Variants in TRMT5 observed in about 807,000 individuals in gnomAD.
TRMT5 encodes the protein tRNA (guanine(37)-N(1))-methyltransferase.
In TRMT5, 31 loss-of-function variants were observed where a neutral mutation model predicts 42.2. The ratio of observed to expected loss-of-function variants is 0.73; its 90% CI spans 0.55 to 0.99. TRMT5 has a LOEUF of 0.99. TRMT5 is among the 50% of genes least tolerant of loss of function. The pLI is 0.00. For missense variants in TRMT5, 568 were observed against 595.0 expected (o/e 0.95, Z 0.47); for synonymous variants, 198 against 209.6 (o/e 0.94, Z 0.48).
chr14:60,976,009 C>T lies in TRMT5; in HGVS notation c.910G>A (p.Asp304Asn). The T allele has an allele frequency of 3.7e-6, 6 of 1,614,192 alleles. No individual in the cohort carries two copies. Among genetic ancestry groups the T allele is most frequent in the Non-Finnish European group, 5.1e-6 (6 of 1,180,028 alleles). The change falls in exon 4 of 5, where the codon GAT becomes AAT. Residue 304 changes from aspartate to asparagine, a missense_variant. Transcript: ENST00000261249. ...ELLKPGDVLF[D>N]VFAGVGPFAI... Reference sequence around the variant, plus strand: ...AAGGGCCCAACCCCAGCAAAAACATCAAATAGGACATCCCCAGGTTTGAGA... The same window carrying T: ...AAGGGCCCAACCCCAGCAAAAACATTAAATAGGACATCCCCAGGTTTGAGA...
chr14:60,976,377 C>T (rs1242545786), intron 3 of TRMT5, among the ~76,000 whole-genome samples: 1 of 152,208 alleles, frequency 6.6e-6, no homozygotes, highest in Non-Finnish European at 1.5e-5. Flanking sequence ...CCAAATGGCT[C>T]TCCATCTCAA....
chr14:60,972,472 C>T lies in TRMT5; in HGVS notation c.*2637G>A, dbSNP rs1385124858. ...TCAGTCTTTCTCTTGGGCATGGCGG[C>T]GGCGGCGGCGGCGGGATGTGGGCAC... is the stretch of plus-strand genomic sequence containing the variant. On this transcript the variant is annotated 3_prime_UTR_variant, in exon 5 of 5. Transcript: ENST00000261249. The T allele has an allele frequency of 1.2e-5, 6 of 484,334 alleles. No individual in the cohort carries two copies. Among genetic ancestry groups the T allele is most frequent in the South Asian group, 6.0e-5 (4 of 66,498 alleles). 30.0% of individuals were successfully genotyped at this position (484,334 alleles called of 1,614,324 possible).
upstream of TRMT5, chr14:60,981,218 T>G (rs1594932728): frequency 3.2e-6 from 5 of 1,553,508 alleles, no homozygotes; most frequent in East Asian, 9.5e-5. Context: ...GACCGACGAC[T>G]GGAGCGCAGG....
chr14:60,979,948 A>G (rs2036920672), intron 1 of TRMT5, 62 bp from the exon 2 acceptor site: 14 of 1,475,070 alleles, frequency 9.5e-6, no homozygotes, highest in Non-Finnish European at 1.2e-5. Context: ...TCTAAATTCT[A>G]CTATCTCAAA....
At position 60,976,080 on chromosome 14, in the gene TRMT5, TAG is replaced by T; in HGVS notation, c.837_838del (p.Tyr280LeufsTer24). On this transcript the variant is annotated frameshift_variant, in exon 4 of 5. Coordinates refer to ENST00000261249, the MANE Select transcript of TRMT5 (RefSeq NM_020810.3). LOFTEE classifies it high-confidence loss of function. Reference sequence around the variant, plus strand: ...TTCTGTAGACAGACGAGGATTCCAATAGACTTTTGAAAAATCAAATTCATAGG... The same window carrying T: ...TTCTGTAGACAGACGAGGATTCCAATACTTTTGAAAAATCAAATTCATAGG... 6.2e-7 allele frequency: 1 copy of T among 1,611,806 alleles called. No individual in the cohort carries two copies. Among genetic ancestry groups the T allele is most frequent in the Non-Finnish European group, 8.5e-7 (1 of 1,179,074 alleles).
chr14:60,980,880 CAGGCAGCA>C, intron 1 of TRMT5, 75 bp downstream of exon 1: 1 of 1,602,364 alleles, frequency 6.2e-7, no homozygotes, highest in South Asian at 1.1e-5. Context: ...TTTCTGTGCC[CAGGCAGCA>C]CATGGCAGAG....
chr14:60,976,571 G>GCAGCAAA (rs1286434915), intron 3 of TRMT5, among the ~76,000 whole-genome samples: 1 of 152,186 alleles, frequency 6.6e-6, no homozygotes, highest in Non-Finnish European at 1.5e-5. Flanking sequence ...GTACTTCTAT[G>GCAGCAAA]CAGCAAACAA....
chr14:60,980,037 C>T lies in TRMT5; in HGVS notation c.12-151G>A, dbSNP rs2036923977. The T allele has an allele frequency of 3.3e-6, 3 of 903,946 alleles. 1 individual carries two copies. Among genetic ancestry groups the T allele is most frequent in the South Asian group, 4.1e-5 (2 of 49,270 alleles). 56.0% of individuals were successfully genotyped at this position (903,946 alleles called of 1,614,324 possible). A position where few individuals can be genotyped will look rare whatever the true frequency, so the allele number is the denominator to read the frequency against. ...TATCTTTTCCAGACTAGGATGACTT[C>T]TTCAGGAAGTCGTATTAGTGGTAGA... On this transcript the variant is annotated intron_variant, in intron 1 of 4. Transcript: ENST00000261249.
upstream of TRMT5, chr14:60,981,655 G>A (rs749563236): frequency 2.0e-5 from 28 of 1,432,010 alleles, no homozygotes; most frequent in Admixed American, 2.1e-4. Context: ...AACATGATGG[G>A]ATGAGCGGCC....
At position 60,973,555 on chromosome 14, in the gene TRMT5, G is replaced by C. The variant is rs959603218; in HGVS notation, c.*1554C>G. The C allele has an allele frequency of 6.6e-6, 1 of 152,250 alleles. No individual in the cohort carries two copies. The highest frequency in any genetic ancestry group is 2.4e-5 in the African/African-American group (1 of 41,442). 9.4% of individuals were successfully genotyped at this position (152,250 alleles called of 1,614,324 possible). A position where few individuals can be genotyped will look rare whatever the true frequency, so the allele number is the denominator to read the frequency against. Reference sequence around the variant, plus strand: ...TGTAACCTTCACACATTGGGAAGCCGAGATGGGAAGATCTCAAGCCTAGGA... The same window carrying C: ...TGTAACCTTCACACATTGGGAAGCCCAGATGGGAAGATCTCAAGCCTAGGA... On this transcript the variant is annotated 3_prime_UTR_variant, in exon 5 of 5. Coordinates refer to ENST00000261249, the MANE Select transcript of TRMT5 (RefSeq NM_020810.3).
In TRMT5 at chr14:60,975,187, A is replaced by C. The variant is rs774871636; in HGVS notation, c.1452T>G (p.His484Gln). The C allele has an allele frequency of 6.2e-7, 1 of 1,603,564 alleles. No individual in the cohort carries two copies. The change falls in exon 5 of 5, where the codon CAT (histidine) becomes CAG (glutamine). Residue 484 changes from histidine (H) to glutamine (Q), a missense_variant. Coordinates refer to ENST00000261249, the MANE Select transcript of TRMT5 (RefSeq NM_020810.3). ...YKNQTRNPEN[H>Q]EDPPLKRQRT... Reference sequence around the variant, plus strand: ...TCTGCCTTTTAAGAGGTGGATCTTCATGATTCTCTGTAATAAATCCAGAAA... The same window carrying C: ...TCTGCCTTTTAAGAGGTGGATCTTCCTGATTCTCTGTAATAAATCCAGAAA...
chr14:60,974,932 G>A lies in TRMT5; in HGVS notation c.*177C>T, dbSNP rs915779587. 8 of 388,370 alleles carry A rather than the reference G, an allele frequency of 2.1e-5. No homozygotes were observed. The highest frequency in any genetic ancestry group is 1.4e-5 in the Non-Finnish European group (3 of 213,208). 24.1% of individuals were successfully genotyped at this position (388,370 alleles called of 1,614,324 possible). On this transcript the variant is annotated 3_prime_UTR_variant, in exon 5 of 5. Transcript: ENST00000261249. Reference sequence around the variant, plus strand: ...TTGTATGTTATAATTTAGATAACAGGGAATGTATTTGGTAGCCTTAGTTCA... The same window carrying A: ...TTGTATGTTATAATTTAGATAACAGAGAATGTATTTGGTAGCCTTAGTTCA...
In TRMT5 at chr14:60,979,701, T is replaced by G. The variant is rs377173260; in HGVS notation, c.197A>C (p.His66Pro). The change falls in exon 2 of 5, where the codon CAT (histidine) becomes CCT (proline). Residue 66 changes from histidine to proline, a missense_variant. Physicochemically the swap from His to Pro is moderately conservative, Grantham distance 77. Transcript: ENST00000261249. ...TGAAAACAATTCAGTCTCTCTCTCA[T>G]GTGTTTCTGTTTCTGGCATGGTTGA... The part of the protein sequence containing the change: ...RFSTMPETET[H>P]ERETELFSPP... 19 of 1,614,170 alleles carry G rather than the reference T, an allele frequency of 1.2e-5. No homozygotes were observed. The highest frequency in any genetic ancestry group is 1.6e-5 in the Non-Finnish European group (19 of 1,180,028).
Position 60,981,012 on chromosome 14 carries a change from C to T in TRMT5, c.-39G>A. On this transcript the variant is annotated 5_prime_UTR_variant, in exon 1 of 5. Transcript: ENST00000261249. The stretch of plus-strand genomic sequence containing the variant: ...GTCGCTCTGCAGCTGGATCCGCGAG[C>T]CGACCCCTCACCTCCCGCTCCGGTA... 1 of 1,611,328 alleles carries T rather than the reference C, an allele frequency of 6.2e-7. No homozygotes were observed. The highest frequency in any genetic ancestry group is 8.5e-7 in the Non-Finnish European group (1 of 1,180,026).
In TRMT5 at chr14:60,980,981, C is replaced by T; in HGVS notation, c.-8G>A. On this transcript the variant is annotated 5_prime_UTR_variant, in exon 1 of 5. Transcript: ENST00000261249. ...ACCTCACCAAAGCACCATTCCAATT[C>T]CCCACGTCGCTCTGCAGCTGGATCC... 2 of 1,611,724 alleles carry T rather than the reference C, an allele frequency of 1.2e-6. No individual in the cohort carries two copies. Among genetic ancestry groups the T allele is most frequent in the Non-Finnish European group, 1.7e-6 (2 of 1,180,014 alleles).
chr14:60,979,358 A>T lies in TRMT5; in HGVS notation c.540T>A (p.Phe180Leu). Residue 180 changes from phenylalanine (F) to leucine (L), a missense_variant, in exon 2 of 5, where the codon TTT becomes TTA. Physicochemically the swap from Phe to Leu is conservative, Grantham distance 22 (BLOSUM62 0). Transcript: ENST00000261249. ...KYNLELTYEH[F>L]KSEEILRAVL... is the part of the protein sequence containing the mutation. ...CAGCTCTCAAGATTTCTTCTGACTT[A>T]AAGTGTTCATATGTTAGTTCCAAAT... 6.2e-7 allele frequency: 1 copy of T among 1,614,162 alleles called. No individual in the cohort carries two copies. Among genetic ancestry groups the T allele is most frequent in the Non-Finnish European group, 8.5e-7 (1 of 1,180,002 alleles).
At chr14:60,976,649 G>A (rs775095690) in intron 3 of TRMT5, among the ~76,000 whole-genome samples, 2 of 152,080 alleles carry the variant, frequency 1.3e-5, no homozygotes, top group Non-Finnish European at 2.9e-5. Context: ...TCAATTTTGA[G>A]GTATTTTACT....
rs569059350 is a variant in TRMT5, at chr14:60,975,120, A to G, written c.1519T>C (p.Ser507Pro). ...GAAAACATTTCCAATTAAGTGTTTG[A>G]AACAATTTGTGTTTTTTCGTCTGAA... Reference protein sequence around the residue: ...AFSDEKTQIVSNT With the variant: ...AFSDEKTQIVPNT The change falls in exon 5 of 5, where the codon TCA (serine) becomes CCA (proline). Residue 507 changes from serine (S) to proline (P), a missense_variant. By Grantham distance (74) the Ser-to-Pro change is moderately conservative. Coordinates refer to ENST00000261249, the MANE Select transcript of TRMT5 (RefSeq NM_020810.3). The G allele has an allele frequency of 1.9e-6, 3 of 1,609,432 alleles. No homozygotes were observed. The East Asian group carries it at 6.7e-5, about 36-fold the overall frequency.
Position 60,976,112 on chromosome 14 carries a change from G to A in TRMT5, c.807C>T (p.Asn269=). ...TTGAAAAATCAAATTCATAGGTGTA[G>A]TTGTTTTCTCGAACCTGAAAAAAGG... ...QNMMTKVREN[N]YTYEFDFSKV... The change falls in exon 4 of 5, where the codon AAC becomes AAT. Residue 269 remains asparagine (N), a synonymous_variant. Transcript: ENST00000261249. 18 of 1,603,526 alleles carry A rather than the reference G, an allele frequency of 1.1e-5. No individual in the cohort carries two copies. The highest frequency in any genetic ancestry group is 1.4e-5 in the Non-Finnish European group (17 of 1,175,084).
Sources: gnomAD v4.1 joint callset for allele counts (sites outside exome capture counted in the v4.1 genomes callset) on GRCh38, gnomAD v4.1.1 for gene constraint, MANE v1.5 for transcripts, NCBI Gene and HGNC (gene_info 2026-07-23, HGNC 2026-07-21) for gene names.